The following TMEM132D variants were observed in gnomAD, a reference collection of about 807,000 sequenced individuals.
TMEM132D encodes transmembrane protein 132D, also known as mature OL transmembrane protein.
Under a neutral mutation model 62.3 loss-of-function variants are expected in TMEM132D, and 21 were observed. The ratio of observed to expected loss-of-function variants is 0.34; its 90% CI spans 0.24 to 0.49. The LOEUF (loss-of-function observed/expected upper bound fraction) is 0.49, where lower values mean the gene tolerates loss of function less well. Among genes scored for constraint, TMEM132D ranks in the 20% least tolerant of loss-of-function variants. The pLI is 0.99. For synonymous variants in TMEM132D, 621 were observed against 575.6 expected, an observed-to-expected ratio of 1.08 and a Z score of -1.13; for missense variants, 1,346 against 1,402.8, an observed-to-expected ratio of 0.96 and a Z score of 0.65.
intron 2 of TMEM132D, among the ~76,000 whole-genome samples, chr12:129,636,547 G>C (rs265608): frequency 3.3e-5 from 5 of 152,122 alleles, no homozygotes; most frequent in African/African-American, 1.2e-4. Flanking sequence ...AATCCCCTCA[G>C]TCAAGAGAAG....
chr12:129,346,476 T>C (rs534704117), intron 3 of TMEM132D, among the ~76,000 whole-genome samples: 3 of 152,356 alleles, frequency 2.0e-5, no homozygotes, highest in Non-Finnish European at 2.9e-5. Flanking sequence ...TGTCTTCTGC[T>C]AGCTTTTGAA....
chr12:129,532,534 T>C (rs1277174488), intron 2 of TMEM132D, among the ~76,000 whole-genome samples: 1 of 152,158 alleles, frequency 6.6e-6, no homozygotes, highest in Non-Finnish European at 1.5e-5. Context: ...AATTTTAAAA[T>C]GTAGTGTGCA....
At chr12:129,289,735 A>T (rs1484627482) in intron 4 of TMEM132D, among the ~76,000 whole-genome samples, 1 of 152,166 alleles carries the variant, frequency 6.6e-6, no homozygotes, top group African/African-American at 2.4e-5. Flanking sequence ...TGACAAAGTC[A>T]GGGGTCTAGC....
intron 3 of TMEM132D, among the ~76,000 whole-genome samples, chr12:129,436,940 A>G (rs745951214): frequency 7.2e-5 from 11 of 152,148 alleles, no homozygotes; most frequent in Non-Finnish European, 1.2e-4. Flanking sequence ...TAAATAATGT[A>G]TTTACCACAT....
In TMEM132D at chr12:129,146,076, CTTT is replaced by C. The variant is rs10714658; in HGVS notation, c.1444-61377_1444-61375del. Among the ~76,000 whole-genome samples, 4 of 149,520 alleles carry C rather than the reference CTTT, an allele frequency of 2.7e-5. 1 individual carries two copies. In the South Asian group the frequency reaches 8.5e-4, roughly 32 times the overall value. ...CATAACCATCACCTCCCATACTGAT[CTTT>C]TTTTTTTTTCTCTCGTAGCGAGAAC... On this transcript the variant is annotated intron_variant, in intron 5 of 8. Coordinates refer to ENST00000422113, the MANE Select transcript of TMEM132D (RefSeq NM_133448.3).
chr12:129,609,082 A>C (rs1298085238), intron 2 of TMEM132D, among the ~76,000 whole-genome samples: 2 of 151,834 alleles, frequency 1.3e-5, no homozygotes, highest in African/African-American at 2.4e-5. Flanking sequence ...CTGCAATTGC[A>C]GGTGCCCACC....
In TMEM132D at chr12:129,268,949, C is replaced by T. The variant is rs1446177516; in HGVS notation, c.1300-59286G>A. On this transcript the variant is annotated intron_variant, in intron 4 of 8. Coordinates refer to ENST00000422113, the MANE Select transcript of TMEM132D (RefSeq NM_133448.3). ...AAACCAAACACTGCATGTTCTCACT[C>T]ATAGGTGGGAATTGAACAGTGAGAA... is the stretch of plus-strand genomic sequence containing the variant. 3.5e-5 allele frequency among the ~76,000 whole-genome samples: 5 copies of T among 140,872 alleles called. 1 individual carries two copies. In the East Asian group the frequency reaches 8.4e-4, roughly 24 times the overall value. 92.4% of individuals were successfully genotyped at this position (140,872 alleles called of 152,430 possible).
chr12:129,699,998 G>A lies in TMEM132D; in HGVS notation c.780C>T (p.Ser260=), dbSNP rs1210064135. The change falls in exon 2 of 9, where the codon TCC becomes TCT. Residue 260 remains serine, a synonymous_variant. Transcript: ENST00000422113. ...IRTGHSDIDE[S]GPPLQRIGSI... The stretch of plus-strand genomic sequence containing the variant: ...TCCCGATCCTCTGCAAGGGGGGCCC[G>A]GACTCATCGATGTCACTGTGGCCTG... 6.2e-6 allele frequency: 10 copies of A among 1,613,856 alleles called. No homozygotes were observed. In the African/African-American group the frequency reaches 8.0e-5, roughly 13 times the overall value.
At chr12:129,340,790 G>A (rs569652393) in intron 3 of TMEM132D, among the ~76,000 whole-genome samples, 4 of 152,324 alleles carry the variant, frequency 2.6e-5, no homozygotes, top group Admixed American at 1.3e-4. Context: ...ACATGCACAC[G>A]TATGTTTATT....
chr12:129,535,407 G>C (rs536417995), intron 2 of TMEM132D, among the ~76,000 whole-genome samples: 1 of 152,276 alleles, frequency 6.6e-6, no homozygotes, highest in South Asian at 2.1e-4. Context: ...GATGGATTTG[G>C]ATGGAGGATT....
intron 3 of TMEM132D, among the ~76,000 whole-genome samples, chr12:129,529,682 AAC>A (rs1357231755): frequency 2.0e-5 from 3 of 152,176 alleles, no homozygotes; most frequent in African/African-American, 7.2e-5. Context: ...ATAAAGAATA[AAC>A]ACATCTATTC....
At chr12:129,661,313 G>A (rs1226469954) in intron 2 of TMEM132D, among the ~76,000 whole-genome samples, 1 of 152,234 alleles carries the variant, frequency 6.6e-6, no homozygotes, top group Non-Finnish European at 1.5e-5. Context: ...GCAAATGGTA[G>A]TGGTTGACTC....
At chr12:129,509,383 CATGAG>C (rs1363181865) in intron 3 of TMEM132D, among the ~76,000 whole-genome samples, 2 of 152,032 alleles carry the variant, frequency 1.3e-5, no homozygotes, top group Non-Finnish European at 2.9e-5. Context: ...TTATGGGGTA[CATGAG>C]ATATTTTGAC....
chr12:129,263,588 G>T (rs963278242), intron 4 of TMEM132D, among the ~76,000 whole-genome samples: 13 of 152,042 alleles, frequency 8.6e-5, no homozygotes, highest in African/African-American at 3.1e-4. Flanking sequence ...GGACCTTAAA[G>T]ATTAAGAGAA....
intron 5 of TMEM132D, among the ~76,000 whole-genome samples, chr12:129,143,076 T>C (rs1876790953): frequency 2.0e-5 from 3 of 152,098 alleles, no homozygotes; most frequent in Non-Finnish European, 2.9e-5. Context: ...TCTGACACTG[T>C]CTACCCAAAG....
chr12:129,640,130 C>T (rs155715), intron 2 of TMEM132D, among the ~76,000 whole-genome samples: 2,146 of 152,230 alleles, frequency 0.014, 65 homozygotes, highest in South Asian at 0.13. Context: ...TAAGGTCACT[C>T]GCCTATTAAT....
At chr12:129,081,351 T>C (rs926728390) in intron 7 of TMEM132D, among the ~76,000 whole-genome samples, 5 of 152,090 alleles carry the variant, frequency 3.3e-5, no homozygotes, top group African/African-American at 1.2e-4. Flanking sequence ...CAGGTTGGAG[T>C]GTAGTGGCAC....
chr12:129,475,896 G>A (rs184410044), intron 3 of TMEM132D, among the ~76,000 whole-genome samples: 18 of 152,284 alleles, frequency 1.2e-4, no homozygotes, highest in Admixed American at 1.0e-3. Flanking sequence ...CGATTTAACC[G>A]GCAATTGCAT....
intron 2 of TMEM132D, among the ~76,000 whole-genome samples, chr12:129,664,421 A>ATTTTTTTTTTTTTTTTTTTTTTTTTTT (rs34308998): frequency 8.8e-6 from 1 of 114,224 alleles, no homozygotes. Flanking sequence ...AATTACAAGA[A>ATTTTTTTTTTTTTTTTTTTTTTTTTTT]TTTTTTTTTT....
Sources: gnomAD v4.1 joint callset for allele counts (sites outside exome capture counted in the v4.1 genomes callset) on GRCh38, gnomAD v4.1.1 for gene constraint, MANE v1.5 for transcripts, NCBI Gene and HGNC (gene_info 2026-07-23, HGNC 2026-07-21) for gene names.